The following CHN1 variants were observed in gnomAD, a reference collection of about 807,000 sequenced individuals.
CHN1 encodes N-chimaerin.
In CHN1, 37 loss-of-function variants were observed where a neutral mutation model predicts 59.5. That is an observed-to-expected ratio of 0.62 (90% confidence interval 0.48 to 0.82). The LOEUF is 0.82. CHN1 is among the 40% of genes least tolerant of loss of function. CHN1 has a pLI of 0.00. For missense variants in CHN1, 469 were observed against 571.0 expected, an observed-to-expected ratio of 0.82 and a Z score of 1.82; for synonymous variants, 206 against 200.4, an observed-to-expected ratio of 1.03 and a Z score of -0.24.
Position 174,928,458 on chromosome 2 carries a change from T to G in CHN1, c.115-9893A>C, listed in dbSNP as rs1347500703. Among the ~76,000 whole-genome samples, 14 of 152,198 alleles carry G rather than the reference T, an allele frequency of 9.2e-5. No homozygotes were observed. The South Asian group carries it at 1.5e-3, about 16-fold the overall frequency. ...ATATAAAAATAAACACGTTAAAAGT[T>G]TAATTGTAAGCATTAATCAATGAGG... On this transcript the variant is annotated intron_variant, in intron 3 of 12. Coordinates refer to ENST00000409900, the MANE Select transcript of CHN1 (RefSeq NM_001822.7).
At chr2:174,929,929 GGT>G (rs1285586903) in intron 3 of CHN1, among the ~76,000 whole-genome samples, 2 of 152,192 alleles carry the variant, frequency 1.3e-5, no homozygotes, top group Non-Finnish European at 2.9e-5. Flanking sequence ...GAACTCTGAT[GGT>G]GTGTTTTCCT....
intron 5 of CHN1, among the ~76,000 whole-genome samples, chr2:174,910,246 A>G (rs1174871475): frequency 6.6e-6 from 1 of 152,214 alleles, no homozygotes; most frequent in Non-Finnish European, 1.5e-5. Flanking sequence ...AGTAAAAGTG[A>G]ACAAATTTAG....
chr2:174,835,316 T>G (rs538742583), intron 7 of CHN1, among the ~76,000 whole-genome samples: 1 of 152,342 alleles, frequency 6.6e-6, no homozygotes, highest in African/African-American at 2.4e-5. Context: ...TTTTACAATT[T>G]TCTCCTTAAC....
At chr2:174,842,244 G>GT (rs1686333380) in intron 7 of CHN1, among the ~76,000 whole-genome samples, 1 of 152,188 alleles carries the variant, frequency 6.6e-6, no homozygotes. Flanking sequence ...GGGAGGCAAG[G>GT]TGGTGGTGTG....
chr2:174,932,266 T>G (rs951480734), intron 3 of CHN1, among the ~76,000 whole-genome samples: 2 of 152,198 alleles, frequency 1.3e-5, no homozygotes, highest in Non-Finnish European at 2.9e-5. Context: ...GTACTCAAGT[T>G]GGCAAGACAA....
chr2:174,839,437 T>C (rs767319900), intron 7 of CHN1, among the ~76,000 whole-genome samples: 1 of 152,158 alleles, frequency 6.6e-6, no homozygotes, highest in Non-Finnish European at 1.5e-5. Flanking sequence ...GGACAAATAT[T>C]GCATGATTCC....
At chr2:174,927,882 T>C (rs1212163267) in intron 3 of CHN1, among the ~76,000 whole-genome samples, 1 of 152,128 alleles carries the variant, frequency 6.6e-6, no homozygotes, top group Non-Finnish European at 1.5e-5. Context: ...ATTACATACA[T>C]GAAAATAATA....
intron 1 of CHN1, 72 bp from the exon 2 acceptor site, chr2:174,952,274 C>T: frequency 1.1e-6 from 1 of 899,656 alleles, no homozygotes. Context: ...ATCATTAACT[C>T]ATTTAATATA....
intron 3 of CHN1, among the ~76,000 whole-genome samples, chr2:174,940,837 T>C (rs981536910): frequency 2.6e-5 from 4 of 152,218 alleles, no homozygotes; most frequent in African/African-American, 9.6e-5. Context: ...GTAAATATCC[T>C]GTTCACCTAC....
At chr2:174,804,981 C>T (rs1253499295) in intron 11 of CHN1, among the ~76,000 whole-genome samples, 1 of 152,188 alleles carries the variant, frequency 6.6e-6, no homozygotes, top group African/African-American at 2.4e-5. Flanking sequence ...CTTCCACTTA[C>T]AAAAGTATTA....
At chr2:174,994,434 A>G (rs1468644517) in intron 1 of CHN1, among the ~76,000 whole-genome samples, 1 of 152,206 alleles carries the variant, frequency 6.6e-6, no homozygotes, top group Non-Finnish European at 1.5e-5. Flanking sequence ...ACTCCATAAC[A>G]TCCAACATTT....
chr2:174,843,063 C>G, intron 7 of CHN1, among the ~76,000 whole-genome samples: 1 of 152,208 alleles, frequency 6.6e-6, no homozygotes, highest in South Asian at 2.1e-4. Context: ...AGTAGCCTAG[C>G]TTCTGTCGTT....
At chr2:174,995,258 T>A (rs1691670220) in intron 1 of CHN1, among the ~76,000 whole-genome samples, 1 of 152,222 alleles carries the variant, frequency 6.6e-6, no homozygotes, top group Admixed American at 6.5e-5. Context: ...TGGTTTCAAT[T>A]ACGCACAGTC....
In CHN1 at chr2:174,843,805, A is replaced by G. The variant is rs568520498; in HGVS notation, c.627+3075T>C. On this transcript the variant is annotated intron_variant, in intron 7 of 12. Transcript: ENST00000409900. The stretch of plus-strand genomic sequence containing the variant: ...ATTTTTCCGATGTAGAGAGAGATTA[A>G]GCAATTGACCCAAGGTGGTGCATAT... Among the ~76,000 whole-genome samples the G allele has an allele frequency of 5.3e-5, 8 of 152,296 alleles. No individual in the cohort carries two copies. In the East Asian group the frequency reaches 1.5e-3, roughly 29 times the overall value.
chr2:174,971,068 C>T (rs1246450518), intron 1 of CHN1, among the ~76,000 whole-genome samples: 1 of 152,122 alleles, frequency 6.6e-6, no homozygotes, highest in East Asian at 1.9e-4. Flanking sequence ...CCTGTAATCC[C>T]AGCACTTTGG....
intron 6 of CHN1, among the ~76,000 whole-genome samples, chr2:174,858,483 C>T (rs1168584615): frequency 6.6e-6 from 1 of 152,108 alleles, no homozygotes; most frequent in Non-Finnish European, 1.5e-5. Flanking sequence ...GCATAAATCA[C>T]AGATGTGTTA....
intron 1 of CHN1, among the ~76,000 whole-genome samples, chr2:174,993,046 T>A (rs1691595977): frequency 6.6e-6 from 1 of 152,102 alleles, no homozygotes; most frequent in Non-Finnish European, 1.5e-5. Flanking sequence ...AGCTTCAGCC[T>A]CCCAAACTGC....
chr2:174,896,114 T>G (rs916762463), intron 5 of CHN1, among the ~76,000 whole-genome samples: 1 of 147,220 alleles, frequency 6.8e-6, no homozygotes, highest in Non-Finnish European at 1.5e-5. Context: ...AGGCCAAATC[T>G]AAAATTAAAA....
chr2:175,004,915 T>C lies in CHN1; in HGVS notation c.-3A>G. ...TTACCAAACAGGGTCAGGGCCATTG[T>C]AAAGGCGCTCGCCGCCGCCCGCGAG... On this transcript the variant is annotated 5_prime_UTR_variant, in exon 1 of 13. Transcript: ENST00000409900. 1 of 1,530,310 alleles carries C rather than the reference T, an allele frequency of 6.5e-7. No individual in the cohort carries two copies. The highest frequency in any genetic ancestry group is 8.8e-7 in the Non-Finnish European group (1 of 1,141,732). 94.8% of individuals were successfully genotyped at this position (1,530,310 alleles called of 1,614,324 possible).
Sources: gnomAD v4.1 joint callset for allele counts (sites outside exome capture counted in the v4.1 genomes callset) on GRCh38, gnomAD v4.1.1 for gene constraint, MANE v1.5 for transcripts, NCBI Gene and HGNC (gene_info 2026-07-23, HGNC 2026-07-21) for gene names.